Variants in SPAG16 observed in about 807,000 individuals in gnomAD.
SPAG16 encodes the protein sperm-associated antigen 16 protein.
Under a neutral mutation model 80.4 loss-of-function variants are expected in SPAG16, and 86 were observed. The ratio of observed to expected loss-of-function variants is 1.07; its 90% CI spans 0.90 to 1.28. The LOEUF is 1.28. Among genes scored for constraint, SPAG16 ranks in the 50% most tolerant of loss-of-function variants. SPAG16 has a pLI of 0.00. For synonymous variants in SPAG16, 294 were observed against 265.9 expected, an observed-to-expected ratio of 1.11 and a Z score of -1.03; for missense variants, 870 against 765.3, an observed-to-expected ratio of 1.14 and a Z score of -1.61.
At chr2:214,054,239 ACCTC>A (rs1432113941) in intron 13 of SPAG16, among the ~76,000 whole-genome samples, 1 of 152,074 alleles carries the variant, frequency 6.6e-6, no homozygotes, top group Non-Finnish European at 1.5e-5. Context: ...CGAACTCCTG[ACCTC>A]AGGTGATCCG....
At chr2:213,886,190 G>A (rs985717523) in intron 11 of SPAG16, among the ~76,000 whole-genome samples, 7 of 152,112 alleles carry the variant, frequency 4.6e-5, no homozygotes, top group Non-Finnish European at 7.4e-5. Flanking sequence ...AAACAAGGTA[G>A]GTCAGATAAT....
chr2:213,775,369 C>T (rs947190756), intron 10 of SPAG16, among the ~76,000 whole-genome samples: 1 of 152,116 alleles, frequency 6.6e-6, no homozygotes, highest in East Asian at 1.9e-4. Context: ...TGAAGATATG[C>T]ATATAGCTGT....
At chr2:213,975,160 G>A (rs956507493) in intron 12 of SPAG16, among the ~76,000 whole-genome samples, 1 of 150,720 alleles carries the variant, frequency 6.6e-6, no homozygotes, top group Admixed American at 6.6e-5. Context: ...AGATGTATTT[G>A]TATATTAAAC....
At chr2:213,535,458 T>C (rs950970609) in intron 10 of SPAG16, among the ~76,000 whole-genome samples, 1 of 152,180 alleles carries the variant, frequency 6.6e-6, no homozygotes, top group Admixed American at 6.5e-5. Flanking sequence ...ATGTCACTTA[T>C]GTCTGTTTTC....
chr2:214,240,390 A>G (rs1689378782), intron 15 of SPAG16: 1 of 152,164 alleles, frequency 6.6e-6, no homozygotes, highest in African/African-American at 2.4e-5. Flanking sequence ...GGCAGGGTCT[A>G]TGTCCTTTCA....
At position 213,869,272 on chromosome 2, in the gene SPAG16, T is replaced by TATAC. The variant is rs139524684; in HGVS notation, c.1214+6647_1214+6648insCATA. The stretch of plus-strand genomic sequence containing the variant: ...CCATGTCAAAAAAAAAAAATATATA[T>TATAC]ATATATATGTATATATATATGTATA... On this transcript the variant is annotated intron_variant, in intron 11 of 15. Transcript: ENST00000331683. Among the ~76,000 whole-genome samples the TATAC allele has an allele frequency of 5.9e-3, 571 of 96,798 alleles. 17 individuals are homozygous for TATAC. Among genetic ancestry groups the TATAC allele is most frequent in the Admixed American group, 0.013 (112 of 8,576 alleles). The allele number at this position is 96,798 out of a possible 152,430, so 63.5% of individuals were successfully genotyped here.
At chr2:213,564,219 T>C (rs1265077392) in intron 10 of SPAG16, among the ~76,000 whole-genome samples, 1 of 152,082 alleles carries the variant, frequency 6.6e-6, no homozygotes, top group African/African-American at 2.4e-5. Context: ...CTCTATTATG[T>C]TGAACTAGTA....
rs1216319624 is a variant in SPAG16, at chr2:214,090,126, G to T, written c.1528-18070G>T. ...CTCATCTATATACAAATCAATAAAA[G>T]CTTTTGCAAAAGAGATATATGGAGA... On this transcript the variant is annotated intron_variant, in intron 13 of 15. Transcript: ENST00000331683. Among the ~76,000 whole-genome samples, 4 of 151,780 alleles carry T rather than the reference G, an allele frequency of 2.6e-5. No homozygotes were observed. In the East Asian group the frequency reaches 7.7e-4, roughly 29 times the overall value.
intron 13 of SPAG16, among the ~76,000 whole-genome samples, chr2:214,077,521 C>T (rs2051140167): frequency 6.6e-6 from 1 of 152,224 alleles, no homozygotes; most frequent in Non-Finnish European, 1.5e-5. Flanking sequence ...ATTTTCCCAG[C>T]ACTGCTGTCT....
chr2:214,337,909 A>AT (rs557190223), intron 15 of SPAG16, among the ~76,000 whole-genome samples: 38 of 150,762 alleles, frequency 2.5e-4, no homozygotes, highest in African/African-American at 4.9e-4. Context: ...TAAGACCTTA[A>AT]TTTTTTTTTT....
At chr2:214,172,670 C>A (rs1241056143) in intron 15 of SPAG16, among the ~76,000 whole-genome samples, 3 of 151,968 alleles carry the variant, frequency 2.0e-5, no homozygotes, top group Non-Finnish European at 4.4e-5. Context: ...CCTGAGGAAT[C>A]GCCACACTGA....
intron 12 of SPAG16, among the ~76,000 whole-genome samples, chr2:213,964,158 G>C (rs2044591070): frequency 6.6e-6 from 1 of 152,046 alleles, no homozygotes; most frequent in Admixed American, 6.6e-5. Flanking sequence ...AATTGTTGGT[G>C]ACTTTATAAA....
chr2:213,824,187 T>C (rs1415382304), intron 10 of SPAG16, among the ~76,000 whole-genome samples: 1 of 152,198 alleles, frequency 6.6e-6, no homozygotes, highest in Non-Finnish European at 1.5e-5. Flanking sequence ...CCCCATTGTT[T>C]GTTTTTGTCA....
At chr2:214,307,082 G>A (rs986315357) in intron 15 of SPAG16, among the ~76,000 whole-genome samples, 1 of 152,076 alleles carries the variant, frequency 6.6e-6, no homozygotes, top group Non-Finnish European at 1.5e-5. Flanking sequence ...GGTCTGTTCA[G>A]GGATTCAGTT....
intron 10 of SPAG16, among the ~76,000 whole-genome samples, chr2:213,562,157 A>G (rs1489907889): frequency 6.6e-6 from 1 of 152,212 alleles, no homozygotes; most frequent in Non-Finnish European, 1.5e-5. Flanking sequence ...AAGACATTTT[A>G]CCATTGTCTT....
At chr2:214,270,790 C>A (rs201965261) in intron 15 of SPAG16, among the ~76,000 whole-genome samples, 1 of 152,100 alleles carries the variant, frequency 6.6e-6, no homozygotes, top group East Asian at 1.9e-4. Flanking sequence ...GGGGTGTTTT[C>A]TGACCATCTT....
At chr2:214,280,633 G>T in intron 15 of SPAG16, 1 of 256,982 alleles carries the variant, frequency 3.9e-6, no homozygotes, top group Non-Finnish European at 7.8e-6. Context: ...AAACTATTTG[G>T]TTTAGCTCTC....
At chr2:213,419,429 A>G (rs771153403) in intron 9 of SPAG16, among the ~76,000 whole-genome samples, 4 of 152,108 alleles carry the variant, frequency 2.6e-5, no homozygotes, top group Non-Finnish European at 5.9e-5. Flanking sequence ...AGGTCATCTT[A>G]GTAGCACTAA....
At chr2:213,886,027 A>G (rs2076541939) in intron 11 of SPAG16, among the ~76,000 whole-genome samples, 1 of 152,178 alleles carries the variant, frequency 6.6e-6, no homozygotes, top group Non-Finnish European at 1.5e-5. Flanking sequence ...ATATGATTGG[A>G]TAAAAAGGGT....
Sources: allele counts gnomAD v4.1 joint callset (sites outside exome capture counted in the v4.1 genomes callset), GRCh38; gene constraint gnomAD v4.1.1; transcripts MANE v1.5; gene names NCBI Gene and HGNC (gene_info 2026-07-23, HGNC 2026-07-21).